Variants in NPAS3 observed in about 807,000 individuals in gnomAD.
NPAS3 encodes neuronal PAS domain protein 3.
In NPAS3, 14 loss-of-function variants were observed where a neutral mutation model predicts 73.1. That is an observed-to-expected ratio of 0.19 (90% CI 0.13 to 0.30). The LOEUF (loss-of-function observed/expected upper bound fraction) is 0.30, where lower values mean the gene tolerates loss of function less well. Among genes scored for constraint, NPAS3 ranks in the 10% least tolerant of loss-of-function variants. The pLI is 1.00. For synonymous variants in NPAS3, 620 were observed against 541.5 expected (o/e 1.14, Z -2.01); for missense variants, 1,096 against 1,250.0 (o/e 0.88, Z 1.86).
chr14:33,133,411 A>G (rs1041922302), intron 2 of NPAS3, among the ~76,000 whole-genome samples: 1 of 152,160 alleles, frequency 6.6e-6, no homozygotes, highest in Non-Finnish European at 1.5e-5. Flanking sequence ...AATGTACATC[A>G]CTGAGTCGTT....
At chr14:33,697,707 G>A (rs1162577634) in intron 6 of NPAS3, among the ~76,000 whole-genome samples, 1 of 152,124 alleles carries the variant, frequency 6.6e-6, no homozygotes, top group Non-Finnish European at 1.5e-5. Context: ...ACTGTCTAAA[G>A]CTTCCTAAAG....
chr14:33,426,772 T>C (rs1403906737), intron 4 of NPAS3, among the ~76,000 whole-genome samples: 1 of 152,114 alleles, frequency 6.6e-6, no homozygotes, highest in East Asian at 1.9e-4. Context: ...AAATGATTTC[T>C]GTATTCTTAA....
chr14:33,687,953 T>C (rs879819264), intron 6 of NPAS3, among the ~76,000 whole-genome samples: 3 of 152,242 alleles, frequency 2.0e-5, no homozygotes, highest in Non-Finnish European at 4.4e-5. Flanking sequence ...TAGGTAAATC[T>C]ATGTATCAGT....
At chr14:33,746,284 G>A (rs2061794232) in intron 7 of NPAS3, among the ~76,000 whole-genome samples, 1 of 151,704 alleles carries the variant, frequency 6.6e-6, no homozygotes, top group Non-Finnish European at 1.5e-5. Context: ...TGCTTCCCGG[G>A]TTCAAGCGAT....
chr14:32,989,602 G>A (rs1403492683), intron 1 of NPAS3, among the ~76,000 whole-genome samples: 2 of 152,060 alleles, frequency 1.3e-5, no homozygotes, highest in African/African-American at 4.8e-5. Context: ...CCGAGAGCCC[G>A]CCACTGCACT....
At chr14:33,385,367 T>G (rs899930558) in intron 4 of NPAS3, among the ~76,000 whole-genome samples, 12 of 152,202 alleles carry the variant, frequency 7.9e-5, no homozygotes, top group Admixed American at 7.2e-4. Context: ...TTTTCCCTGT[T>G]GGAAACTTAG....
In NPAS3 at chr14:33,085,068, T is replaced by G. The variant is rs568703620; in HGVS notation, c.140+29074T>G. On this transcript the variant is annotated intron_variant, in intron 2 of 11. Coordinates refer to ENST00000356141, the Ensembl canonical transcript of NPAS3. ...CAACTTTCTTAGCATTATAAAAAGT[T>G]CAAGGCACATGAATATGGACATTAT... Among the ~76,000 whole-genome samples the G allele has an allele frequency of 1.5e-3, 235 of 152,324 alleles. 1 individual carries two copies. The highest frequency in any genetic ancestry group is 5.4e-3 in the African/African-American group (224 of 41,574).
intron 5 of NPAS3, among the ~76,000 whole-genome samples, chr14:33,668,595 C>G (rs534297444): frequency 6.6e-6 from 1 of 152,288 alleles, no homozygotes; most frequent in Admixed American, 6.5e-5. Context: ...GCAGGCCGAT[C>G]ACTTGAGGCC....
At chr14:33,218,304 T>C (rs542285498) in intron 3 of NPAS3, among the ~76,000 whole-genome samples, 24 of 152,324 alleles carry the variant, frequency 1.6e-4, no homozygotes, top group African/African-American at 5.8e-4. Context: ...AGTGACTCCC[T>C]ACTGTCTACC....
At chr14:33,556,741 T>G (rs2055373949) in intron 4 of NPAS3, among the ~76,000 whole-genome samples, 1 of 152,218 alleles carries the variant, frequency 6.6e-6, no homozygotes, top group African/African-American at 2.4e-5. Context: ...CCACTTAGCC[T>G]CTCTGTGCCT....
At chr14:33,578,235 C>G (rs1958542) in intron 5 of NPAS3, 1 of 455,770 alleles carries the variant, frequency 2.2e-6, no homozygotes, top group Non-Finnish European at 4.4e-6. Context: ...CTCTTGTTGC[C>G]CAGGCTGGAG....
intron 3 of NPAS3, among the ~76,000 whole-genome samples, chr14:33,249,196 A>C (rs1388001136): frequency 6.6e-6 from 1 of 152,160 alleles, no homozygotes; most frequent in East Asian, 1.9e-4. Flanking sequence ...CAGGGGATTT[A>C]AGATTATGTA....
intron 1 of NPAS3, among the ~76,000 whole-genome samples, chr14:33,049,664 G>T (rs1264658733): frequency 2.0e-5 from 3 of 152,208 alleles, no homozygotes; most frequent in Non-Finnish European, 2.9e-5. Context: ...GCTACAAGAT[G>T]AGATTTGGGT....
intron 1 of NPAS3, among the ~76,000 whole-genome samples, chr14:32,975,545 AC>A (rs1383635026): frequency 6.6e-6 from 1 of 152,158 alleles, no homozygotes; most frequent in Non-Finnish European, 1.5e-5. Context: ...GGTCATTGTC[AC>A]CTTTGTTGAT....
chr14:33,441,585 T>C (rs1463211548), intron 4 of NPAS3, among the ~76,000 whole-genome samples: 3 of 152,256 alleles, frequency 2.0e-5, no homozygotes, highest in Non-Finnish European at 4.4e-5. Context: ...TTTTAAAAAC[T>C]GTCTTCTTTA....
chr14:33,698,325 A>C (rs11156811), intron 6 of NPAS3, among the ~76,000 whole-genome samples: 5 of 152,186 alleles, frequency 3.3e-5, no homozygotes, highest in African/African-American at 1.2e-4. Context: ...AGGTTTTTTT[A>C]AAATTATGTG....
intron 3 of NPAS3, among the ~76,000 whole-genome samples, chr14:33,304,175 CTG>C (rs1169813919): frequency 6.6e-6 from 1 of 152,194 alleles, no homozygotes; most frequent in African/African-American, 2.4e-5. Context: ...CATAGTTGCT[CTG>C]TTAACAGATT....
intron 6 of NPAS3, among the ~76,000 whole-genome samples, chr14:33,709,226 C>T (rs560517231): frequency 5.3e-5 from 8 of 152,198 alleles, no homozygotes; most frequent in Admixed American, 6.5e-5. Context: ...GCATACCCTG[C>T]GCGCGTAAGT....
chr14:33,515,328 G>A (rs919387551), intron 4 of NPAS3, among the ~76,000 whole-genome samples: 1 of 151,964 alleles, frequency 6.6e-6, no homozygotes, highest in Non-Finnish European at 1.5e-5. Flanking sequence ...TTTTGAATGG[G>A]CATATTTACA....
Sources: allele counts gnomAD v4.1 joint callset (sites outside exome capture counted in the v4.1 genomes callset), GRCh38; gene constraint gnomAD v4.1.1; transcripts MANE v1.5; gene names NCBI Gene and HGNC (gene_info 2026-07-23, HGNC 2026-07-21).